The following ARHGAP22 variants were observed in gnomAD, a reference collection of about 807,000 sequenced individuals.
ARHGAP22 encodes the protein rho GTPase-activating protein 22.
A neutral mutation model predicts 59.1 loss-of-function variants in ARHGAP22; 48 were observed. The observed-to-expected ratio is 0.81, with a 90% CI of 0.64 to 1.03. The LOEUF is 1.03. ARHGAP22 is among the 50% of genes least tolerant of loss of function. The pLI, the probability that ARHGAP22 is intolerant of heterozygous loss-of-function variation, is 0.00. For synonymous variants in ARHGAP22, 445 were observed against 416.4 expected (o/e 1.07, Z -0.84); for missense variants, 1,015 against 958.7 (o/e 1.06, Z -0.78).
intron 3 of ARHGAP22, among the ~76,000 whole-genome samples, chr10:48,499,391 G>A (rs184586954): frequency 4.7e-4 from 72 of 152,322 alleles, no homozygotes; most frequent in Non-Finnish European, 8.7e-4. Context: ...CCAGTCTAAG[G>A]GGAAATCTGA....
intron 3 of ARHGAP22, among the ~76,000 whole-genome samples, chr10:48,528,483 G>A (rs1564823784): frequency 6.6e-6 from 1 of 152,190 alleles, no homozygotes; most frequent in Non-Finnish European, 1.5e-5. Context: ...AGCTGTAGGG[G>A]ACAGAAAGCC....
rs1323258801 is a variant in ARHGAP22 at position 48,450,463 on chromosome 10, T to A, written c.1666A>T (p.Ser556Cys). The A allele has an allele frequency of 6.5e-7, 1 of 1,545,796 alleles. No homozygotes were observed. The highest frequency in any genetic ancestry group is 8.7e-7 in the Non-Finnish European group (1 of 1,144,544). The change falls in exon 9 of 10, where the codon AGC becomes TGC. Residue 556 changes from serine (S) to cysteine (C), a missense_variant. Coordinates refer to ENST00000249601, the MANE Select transcript of ARHGAP22 (RefSeq NM_021226.4). ...DWALEPSPLPSSSEDPKSLDL... is the reference protein window; with the variant it reads ...DWALEPSPLPCSSEDPKSLDL... ...AGGGACTTGGGGTCCTCGCTGCTGC[T>A]GGGGAGCGGGGAGGGCTCCAGGGCC...
Position 48,455,069 on chromosome 10 carries a change from A to T in ARHGAP22, c.725T>A (p.Val242Glu). The change falls in exon 6 of 10, where the codon GTG (valine) becomes GAG (glutamate). Residue 242 changes from valine to glutamate, a missense_variant. Physicochemically the swap from Val to Glu is moderately radical, Grantham distance 121. Transcript: ENST00000249601. ...GTCCTCGTACCTGGCGAAGGGGACC[A>T]CGGGCTCGGGGAGCTCCCGCAGGTA... ...KLYLRELPEP[V>E]VPFARYEDFL... is the part of the protein sequence containing the mutation. 6.2e-7 allele frequency: 1 copy of T among 1,612,448 alleles called. No individual in the cohort carries two copies. Among genetic ancestry groups the T allele is most frequent in the Non-Finnish European group, 8.5e-7 (1 of 1,179,536 alleles).
At chr10:48,572,688 A>G (rs903640752) in intron 2 of ARHGAP22, among the ~76,000 whole-genome samples, 1 of 152,146 alleles carries the variant, frequency 6.6e-6, no homozygotes, top group Non-Finnish European at 1.5e-5. Context: ...CTTACCATCC[A>G]TTCCCTCAAA....
At chr10:48,552,039 C>T (rs1053711748) in intron 3 of ARHGAP22, among the ~76,000 whole-genome samples, 15 of 152,386 alleles carry the variant, frequency 9.8e-5, no homozygotes, top group African/African-American at 3.1e-4. Flanking sequence ...CACTAGATGG[C>T]ACTCACAGTA....
At chr10:48,481,255 G>A (rs994297302) in intron 3 of ARHGAP22, among the ~76,000 whole-genome samples, 1 of 152,210 alleles carries the variant, frequency 6.6e-6, no homozygotes, top group African/African-American at 2.4e-5. Context: ...TTGCCACCTG[G>A]AAGCAGCTCT....
chr10:48,437,266 A>T, the ARHGAP22 span: 1 of 152,242 alleles, frequency 6.6e-6, no homozygotes, highest in Non-Finnish European at 1.5e-5. Context: ...TTAAATTACT[A>T]CATCCAAATA....
chr10:48,471,334 GC>G (rs753742503), intron 4 of ARHGAP22, among the ~76,000 whole-genome samples: 1 of 152,236 alleles, frequency 6.6e-6, no homozygotes, highest in Non-Finnish European at 1.5e-5. Context: ...TGGGCTCCTA[GC>G]CCCAAGACTG....
At chr10:48,581,095 A>G (rs561728054) in intron 2 of ARHGAP22, among the ~76,000 whole-genome samples, 2 of 152,234 alleles carry the variant, frequency 1.3e-5, no homozygotes, top group South Asian at 4.1e-4. Context: ...CCTTCCCCCA[A>G]AGACCAGACT....
intron 3 of ARHGAP22, among the ~76,000 whole-genome samples, chr10:48,544,175 T>C (rs2056224568): frequency 6.6e-6 from 1 of 151,968 alleles, no homozygotes; most frequent in African/African-American, 2.4e-5. Flanking sequence ...TGTCCTGCCG[T>C]CTGCATATCG....
At chr10:48,603,742 G>A (rs962299465) in intron 1 of ARHGAP22, among the ~76,000 whole-genome samples, 1 of 152,232 alleles carries the variant, frequency 6.6e-6, no homozygotes, top group African/African-American at 2.4e-5. Flanking sequence ...ACCCCACAGA[G>A]GGGTCCTGAC....
intron 3 of ARHGAP22, among the ~76,000 whole-genome samples, chr10:48,508,521 C>T (rs1284931059): frequency 2.0e-5 from 3 of 152,250 alleles, no homozygotes; most frequent in African/African-American, 7.2e-5. Context: ...AGGCATGGGC[C>T]AGGACCAGCA....
At chr10:48,567,308 T>G (rs543652681) in intron 2 of ARHGAP22, among the ~76,000 whole-genome samples, 60 of 152,218 alleles carry the variant, frequency 3.9e-4, no homozygotes, top group Non-Finnish European at 4.7e-4. Context: ...TTGTCATTCA[T>G]GTGAACATTC....
At chr10:48,619,449 A>C (rs2031640122) in intron 1 of ARHGAP22, among the ~76,000 whole-genome samples, 2 of 152,194 alleles carry the variant, frequency 1.3e-5, no homozygotes, top group Non-Finnish European at 2.9e-5. Flanking sequence ...AATAAACTCA[A>C]AGTGTTGGAA....
intron 2 of ARHGAP22, among the ~76,000 whole-genome samples, chr10:48,574,018 T>G (rs1222958382): frequency 1.3e-5 from 2 of 151,664 alleles, no homozygotes; most frequent in African/African-American, 2.4e-5. Flanking sequence ...GAGCTTCTAC[T>G]ATGTGTCAGA....
intron 2 of ARHGAP22, among the ~76,000 whole-genome samples, chr10:48,576,756 TTCTA>T (rs1316897990): frequency 1.1e-5 from 1 of 90,914 alleles, no homozygotes; most frequent in Non-Finnish European, 3.0e-5. Flanking sequence ...GAGGTTTCTT[TTCTA>T]TCTTTCTCCT....
the ARHGAP22 span, among the ~76,000 whole-genome samples, chr10:48,434,053 T>C: frequency 6.6e-6 from 1 of 152,212 alleles, no homozygotes; most frequent in Non-Finnish European, 1.5e-5. Context: ...AAGTCATTCC[T>C]GTCCCCTTCC....
upstream of ARHGAP22, among the ~76,000 whole-genome samples, chr10:48,605,425 C>T (rs1004821702): frequency 2.0e-5 from 3 of 150,662 alleles, no homozygotes; most frequent in Non-Finnish European, 4.4e-5. Context: ...AAGGAGCAAG[C>T]AGCCCGGCAA....
At chr10:48,556,242 C>T (rs752873276) in intron 2 of ARHGAP22, among the ~76,000 whole-genome samples, 3 of 152,060 alleles carry the variant, frequency 2.0e-5, no homozygotes, top group Non-Finnish European at 4.4e-5. Flanking sequence ...TCAGGTAACC[C>T]GCTCAATGTC....
Sources: allele counts gnomAD v4.1 joint callset (sites outside exome capture counted in the v4.1 genomes callset), GRCh38; gene constraint gnomAD v4.1.1; transcripts MANE v1.5; gene names NCBI Gene and HGNC (gene_info 2026-07-23, HGNC 2026-07-21).